Variants in KIF26B observed in about 807,000 individuals in gnomAD.
The protein encoded by KIF26B is kinesin family member 26B.
A neutral mutation model predicts 151.2 loss-of-function variants in KIF26B; 63 were observed. The ratio of observed to expected loss-of-function variants is 0.42; its 90% confidence interval spans 0.34 to 0.51. KIF26B has a LOEUF of 0.51. Ranked by LOEUF, KIF26B falls within the 20% of genes least tolerant of loss-of-function variation. KIF26B has a pLI of 0.07. For missense variants in KIF26B, 2,813 were observed against 2,913.6 expected (o/e 0.97, Z 0.79); for synonymous variants, 1,357 against 1,262.1 (o/e 1.08, Z -1.59).
Position 245,540,542 on chromosome 1 carries a change from G to T in KIF26B, c.1167-225G>T. On this transcript the variant is annotated intron_variant, in intron 4 of 14. Coordinates refer to ENST00000407071, the MANE Select transcript of KIF26B (RefSeq NM_018012.4). The surrounding 1 kb of genome is among the most constrained non-coding windows in gnomAD (Gnocchi z 4.6). ...TTGTAAATCGTGATTGCAGAATCCT[G>T]CTATTTTATGGCTTTGTTTTTCCTT... The T allele has an allele frequency of 1.4e-6, 1 of 698,468 alleles. No individual in the cohort carries two copies. 43.3% of individuals were successfully genotyped at this position (698,468 alleles called of 1,614,324 possible). A position where few individuals can be genotyped will look rare whatever the true frequency, so the allele number is the denominator to read the frequency against.
At chr1:245,690,360 G>T (rs534766973) in intron 12 of KIF26B, among the ~76,000 whole-genome samples, 1 of 152,120 alleles carries the variant, frequency 6.6e-6, no homozygotes, top group East Asian at 1.9e-4. Flanking sequence ...ATCCGTGCCC[G>T]CAGCATATGT....
At chr1:245,319,836 A>G (rs530958561) in intron 2 of KIF26B, among the ~76,000 whole-genome samples, 5 of 152,276 alleles carry the variant, frequency 3.3e-5, no homozygotes, top group African/African-American at 1.2e-4. Flanking sequence ...AGACTATGTG[A>G]GTGGAAGCAT....
chr1:245,692,047 G>C (rs2044631850), intron 12 of KIF26B, among the ~76,000 whole-genome samples: 1 of 152,184 alleles, frequency 6.6e-6, no homozygotes, highest in African/African-American at 2.4e-5. Flanking sequence ...AATAGCCATG[G>C]TCTCTCTGCT....
At chr1:245,206,940 A>G (rs1669417163) in intron 2 of KIF26B, 1 of 152,234 alleles carries the variant, frequency 6.6e-6, no homozygotes, top group African/African-American at 2.4e-5. Context: ...AGAATTAAGA[A>G]TCCAAATGAT....
At chr1:245,474,166 T>G (rs2103065351) in intron 4 of KIF26B, among the ~76,000 whole-genome samples, 1 of 149,820 alleles carries the variant, frequency 6.7e-6, no homozygotes, top group African/African-American at 2.4e-5. Context: ...TGGAGTGCAG[T>G]GGCATGATCT....
intron 4 of KIF26B, among the ~76,000 whole-genome samples, chr1:245,434,867 C>T (rs573385108): frequency 5.7e-4 from 87 of 152,284 alleles, no homozygotes; most frequent in African/African-American, 2.1e-3. Flanking sequence ...TGTCTTATGG[C>T]TGTTACCTAG....
chr1:245,646,591 T>C lies in KIF26B; in HGVS notation c.2258+311T>C, dbSNP rs115630682. Among the ~76,000 whole-genome samples the C allele has an allele frequency of 3.6e-3, 547 of 152,316 alleles. 2 individuals are homozygous for C. Among genetic ancestry groups the C allele is most frequent in the African/African-American group, 0.012 (505 of 41,580 alleles). ...GGTCATTGTCACCATAATAAAGATGTGCCTGTTTCATAGTGATGAGAGTGA... is the reference window on the plus strand; with the variant it reads ...GGTCATTGTCACCATAATAAAGATGCGCCTGTTTCATAGTGATGAGAGTGA... On this transcript the variant is annotated intron_variant, in intron 10 of 14. Coordinates refer to ENST00000407071, the MANE Select transcript of KIF26B (RefSeq NM_018012.4).
At chr1:245,538,071 C>A (rs1661525156) in intron 4 of KIF26B, among the ~76,000 whole-genome samples, 1 of 152,056 alleles carries the variant, frequency 6.6e-6, no homozygotes, top group Non-Finnish European at 1.5e-5. Context: ...TCCTAGAAAC[C>A]GAGCAGAAAG....
At chr1:245,291,786 G>A (rs148603534) in intron 2 of KIF26B, among the ~76,000 whole-genome samples, 151 of 152,288 alleles carry the variant, frequency 9.9e-4, no homozygotes, top group African/African-American at 3.5e-3. Flanking sequence ...GGGTGTTCTC[G>A]CCATGGAGGA....
intron 10 of KIF26B, among the ~76,000 whole-genome samples, chr1:245,651,549 A>G (rs1259890783): frequency 6.6e-6 from 1 of 152,148 alleles, no homozygotes; most frequent in Non-Finnish European, 1.5e-5. Context: ...GAAGCTGGGG[A>G]AAGGGGCTCA....
chr1:245,475,796 A>G (rs1164860209), intron 4 of KIF26B, among the ~76,000 whole-genome samples: 3 of 151,876 alleles, frequency 2.0e-5, no homozygotes, highest in Non-Finnish European at 4.4e-5. Context: ...GGAACAGTCT[A>G]TACGTTGTTT....
chr1:245,291,661 T>G (rs1408370297), intron 2 of KIF26B, among the ~76,000 whole-genome samples: 3 of 151,862 alleles, frequency 2.0e-5, no homozygotes, highest in Non-Finnish European at 4.4e-5. Context: ...CTGGGAAAGA[T>G]GGATGTTTGA....
In KIF26B at chr1:245,387,842, G is replaced by C. The variant is rs951848838; in HGVS notation, c.999+20475G>C. 2.2e-4 allele frequency among the ~76,000 whole-genome samples: 33 copies of C among 152,200 alleles called. 1 individual carries two copies. Among genetic ancestry groups the C allele is most frequent in the Admixed American group, 3.9e-4 (6 of 15,280 alleles). On this transcript the variant is annotated intron_variant, in intron 3 of 14. Coordinates refer to ENST00000407071, the MANE Select transcript of KIF26B (RefSeq NM_018012.4). ...CATGGAGTTTGGGGAGAATAGGAAG[G>C]CGTCAAGGCTAAGTACAGGTCCCAT...
intron 2 of KIF26B, among the ~76,000 whole-genome samples, chr1:245,249,393 C>A (rs1309158699): frequency 6.6e-6 from 1 of 152,134 alleles, no homozygotes; most frequent in African/African-American, 2.4e-5. Flanking sequence ...GGCACCGCGC[C>A]CAGCCACAAG....
chr1:245,323,265 C>T (rs1219143275), intron 2 of KIF26B, among the ~76,000 whole-genome samples: 2 of 152,160 alleles, frequency 1.3e-5, no homozygotes, highest in East Asian at 1.9e-4. Context: ...CTTTTGCAGA[C>T]ATTACCTCAT....
intron 10 of KIF26B, among the ~76,000 whole-genome samples, chr1:245,668,701 C>CTTTTTTT (rs10691487): frequency 0.043 from 6,428 of 151,100 alleles, 403 homozygotes; most frequent in African/African-American, 0.13. Flanking sequence ...CTTTTCTTTT[C>CTTTTTTT]TTTTTTTGAG....
chr1:245,499,677 T>G (rs1660581703), intron 4 of KIF26B, among the ~76,000 whole-genome samples: 1 of 152,208 alleles, frequency 6.6e-6, no homozygotes, highest in Non-Finnish European at 1.5e-5. Flanking sequence ...TGAGCAGCAT[T>G]TCTTCAGAAA....
At chr1:245,521,237 T>C (rs537179494) in intron 4 of KIF26B, among the ~76,000 whole-genome samples, 1 of 151,712 alleles carries the variant, frequency 6.6e-6, no homozygotes, top group East Asian at 1.9e-4. Context: ...CTCCGAAGGC[T>C]GAGGCAGGAG....
chr1:245,541,611 T>C (rs1661624162), intron 5 of KIF26B, among the ~76,000 whole-genome samples: 1 of 152,228 alleles, frequency 6.6e-6, no homozygotes, highest in Non-Finnish European at 1.5e-5. Flanking sequence ...CATTGGTGAA[T>C]AAGCCAGGGC....
Sources: gnomAD v4.1 joint callset for allele counts (sites outside exome capture counted in the v4.1 genomes callset) on GRCh38, gnomAD v4.1.1 for gene constraint, Gnocchi (gnomAD v3.1) non-coding constraint, MANE v1.5 for transcripts, NCBI Gene and HGNC (gene_info 2026-07-23, HGNC 2026-07-21) for gene names.